The following AOX1 variants were observed in gnomAD, a reference collection of about 807,000 sequenced individuals.
AOX1 encodes aldehyde oxidase 1.
A neutral mutation model predicts 169.5 loss-of-function variants in AOX1; 153 were observed. That is an observed-to-expected ratio of 0.90 (90% confidence interval 0.79 to 1.03). The LOEUF (loss-of-function observed/expected upper bound fraction) is 1.03. Ranked by LOEUF, AOX1 falls within the 50% of genes least tolerant of loss-of-function variation. The pLI, the probability that AOX1 is intolerant of heterozygous loss-of-function variation, is 0.00. For missense variants in AOX1, 1,656 were observed against 1,663.9 expected (o/e 1.00, Z 0.08); for synonymous variants, 562 against 581.9 (o/e 0.97, Z 0.49).
Position 200,671,437 on chromosome 2 carries a change from TG to T in AOX1, c.*759del, listed in dbSNP as rs2036027838. The T allele has an allele frequency of 2.6e-5, 4 of 152,366 alleles. No individual in the cohort carries two copies. The South Asian group carries it at 6.2e-4, about 24-fold the overall frequency. 9.4% of individuals were successfully genotyped at this position (152,366 alleles called of 1,614,324 possible). On this transcript the variant is annotated 3_prime_UTR_variant, in exon 35 of 35. Transcript: ENST00000374700. Reference sequence around the variant, plus strand: ...ACTTGATCATTTAACATTCTGTGTATGTAACAAAATATCACATGCATAAATA... The same window carrying T: ...ACTTGATCATTTAACATTCTGTGTATTAACAAAATATCACATGCATAAATA...
Position 200,626,156 on chromosome 2 carries a change from A to T in AOX1, c.2125-1197A>T, listed in dbSNP as rs561842719. Among the ~76,000 whole-genome samples the T allele has an allele frequency of 5.0e-4, 76 of 152,346 alleles. 1 individual carries two copies. The South Asian group carries it at 0.012, about 25-fold the overall frequency. On this transcript the variant is annotated intron_variant, in intron 19 of 34. Transcript: ENST00000374700. Reference sequence around the variant, plus strand: ...ATCCTATGAGGCAAAAACTATTTTTATCCCCATTCTGATGGGGAAACTAAA... The same window carrying T: ...ATCCTATGAGGCAAAAACTATTTTTTTCCCCATTCTGATGGGGAAACTAAA...
At chr2:200,649,313 G>A (rs187607864) in intron 25 of AOX1, among the ~76,000 whole-genome samples, 282 of 152,158 alleles carry the variant, frequency 1.9e-3, no homozygotes, top group Non-Finnish European at 3.1e-3. Flanking sequence ...ATTTTGCTTG[G>A]CTCTCTAAAT....
chr2:200,617,481 CA>C (rs35035526), intron 16 of AOX1, among the ~76,000 whole-genome samples: 14,385 of 58,108 alleles, frequency 0.25, 546 homozygotes, highest in East Asian at 0.4. Context: ...CAACTAACTG[CA>C]AAAAAAAAAA....
intron 16 of AOX1, among the ~76,000 whole-genome samples, chr2:200,617,045 T>C (rs998191966): frequency 6.6e-6 from 1 of 152,168 alleles, no homozygotes; most frequent in Non-Finnish European, 1.5e-5. Context: ...GGCTTATAAA[T>C]ACCCTAATAT....
intron 23 of AOX1, among the ~76,000 whole-genome samples, chr2:200,639,009 G>A (rs2035299318): frequency 6.6e-6 from 1 of 152,106 alleles, no homozygotes; most frequent in Non-Finnish European, 1.5e-5. Flanking sequence ...CCCTCAGACT[G>A]CATCATCCAA....
rs146432697 is a variant in AOX1 at position 200,642,471 on chromosome 2, T to C, written c.2656-139T>C. On this transcript the variant is annotated intron_variant, in intron 24 of 34. Transcript: ENST00000374700. ...ATTTTACAGCAAAAAATGTGTTTAA[T>C]TGGGGGCATGGGAATATTTTAGCAT... 8.4e-4 allele frequency: 491 copies of C among 585,028 alleles called. 2 individuals carry two copies. The highest frequency in any genetic ancestry group is 7.7e-3 in the Middle Eastern group (18 of 2,344). 36.2% of individuals were successfully genotyped at this position (585,028 alleles called of 1,614,324 possible).
chr2:200,641,597 C>T (rs886111756), intron 24 of AOX1, among the ~76,000 whole-genome samples: 1 of 152,074 alleles, frequency 6.6e-6, no homozygotes, highest in African/African-American at 2.4e-5. Context: ...CAGAGACTCA[C>T]TCTGTGCCCA....
At chr2:200,617,380 A>G (rs974891980) in intron 16 of AOX1, among the ~76,000 whole-genome samples, 1 of 151,146 alleles carries the variant, frequency 6.6e-6, no homozygotes, top group African/African-American at 2.4e-5. Context: ...CAGTTTGAGG[A>G]GACAGCATTC....
rs148191016 is a variant in AOX1, at chr2:200,632,496, A to G, written c.2222-2295A>G. Reference sequence around the variant, plus strand: ...TTATTCTACATACATTGATAATCACATGAAGCAATGTTATAATTTTGCTTC... The same window carrying G: ...TTATTCTACATACATTGATAATCACGTGAAGCAATGTTATAATTTTGCTTC... On this transcript the variant is annotated intron_variant, in intron 20 of 34. Transcript: ENST00000374700. 3.6e-3 allele frequency among the ~76,000 whole-genome samples: 553 copies of G among 152,152 alleles called. 5 individuals are homozygous for G. The highest frequency in any genetic ancestry group is 0.012 in the African/African-American group (519 of 41,540).
At chr2:200,627,910 C>G (rs1396323825) in intron 20 of AOX1, among the ~76,000 whole-genome samples, 1 of 152,176 alleles carries the variant, frequency 6.6e-6, no homozygotes, top group Non-Finnish European at 1.5e-5. Context: ...CATCCTTTCT[C>G]TCTCTGATTC....
intron 4 of AOX1, among the ~76,000 whole-genome samples, chr2:200,598,752 A>T (rs935863204): frequency 6.6e-6 from 1 of 152,140 alleles, no homozygotes; most frequent in Non-Finnish European, 1.5e-5. Context: ...TCAAAAAAAA[A>T]AAAAGCCACT....
chr2:200,620,895 G>A, intron 17 of AOX1, 76 bp downstream of exon 17: 1 of 1,493,902 alleles, frequency 6.7e-7, no homozygotes, highest in Non-Finnish European at 9.1e-7. Flanking sequence ...AAAAGTAATG[G>A]TGTGAAGAAA....
In AOX1 at chr2:200,602,386, G is replaced by C. The variant is rs773187753; in HGVS notation, c.498+41G>C. The C allele has an allele frequency of 3.8e-6, 6 of 1,577,254 alleles. No homozygotes were observed. The Admixed American group carries it at 1.0e-4, about 27-fold the overall frequency. On this transcript the variant is annotated intron_variant, in intron 6 of 34. Coordinates refer to ENST00000374700, the MANE Select transcript of AOX1 (RefSeq NM_001159.4). ...CACATGTTTGAGTATGTTTTCCCCA[G>C]TGAAACGAAATGGTAATGGTTGTCA...
intron 25 of AOX1, 36 bp downstream of exon 25, chr2:200,642,837 G>T (rs189394850): frequency 1.3e-6 from 2 of 1,590,618 alleles, no homozygotes; most frequent in East Asian, 2.3e-5. Flanking sequence ...AAAACATGTG[G>T]AATGTCAGAG....
intron 1 of AOX1, among the ~76,000 whole-genome samples, chr2:200,586,835 G>A (rs961452821): frequency 6.6e-5 from 10 of 152,208 alleles, no homozygotes; most frequent in Non-Finnish European, 1.2e-4. Context: ...ACAGTTCCAG[G>A]CAGTGTCCGA....
At chr2:200,614,059 A>C (rs2034699790) in intron 15 of AOX1, 93 bp downstream of exon 15, 1 of 1,208,428 alleles carries the variant, frequency 8.3e-7, no homozygotes, top group African/African-American at 1.5e-5. Flanking sequence ...ATAGCTGTAG[A>C]ATAAAAAAGA....
chr2:200,588,726 C>CTTTTTTTTTTTTTTTTTTTTTG (rs2034098431), intron 1 of AOX1, among the ~76,000 whole-genome samples: 1 of 53,986 alleles, frequency 1.9e-5, no homozygotes, highest in Non-Finnish European at 3.9e-5. Context: ...CTAGAATAAG[C>CTTTTTTTTTTTTTTTTTTTTTG]TTTTTTTTTT....
In AOX1 at chr2:200,660,064, G is replaced by A; in HGVS notation, c.3370G>A (p.Asp1124Asn). ...ISKNPKGTWKDWAQTAFDESI... is the reference protein window; with the variant it reads ...ISKNPKGTWKNWAQTAFDESI... Reference sequence around the variant, plus strand: ...CAAGAATCCTAAAGGAACTTGGAAAGACTGGGTGAGAATCAATGGTTCTCT... The same window carrying A: ...CAAGAATCCTAAAGGAACTTGGAAAAACTGGGTGAGAATCAATGGTTCTCT... The change falls in exon 29 of 35, where the codon GAC (aspartate) becomes AAC (asparagine). Residue 1124 changes from aspartate to asparagine, a missense_variant. Coordinates refer to ENST00000374700, the MANE Select transcript of AOX1 (RefSeq NM_001159.4). 6.2e-7 allele frequency: 1 copy of A among 1,613,290 alleles called. No individual in the cohort carries two copies. The highest frequency in any genetic ancestry group is 1.1e-5 in the South Asian group (1 of 91,058).
chr2:200,602,418 A>T, intron 6 of AOX1, 73 bp downstream of exon 6: 1 of 1,329,678 alleles, frequency 7.5e-7, no homozygotes, highest in Non-Finnish European at 1.1e-6. Context: ...GTCAGTGATT[A>T]GGGGGGCAGC....
Sources: allele counts gnomAD v4.1 joint callset (sites outside exome capture counted in the v4.1 genomes callset), GRCh38; gene constraint gnomAD v4.1.1; transcripts MANE v1.5; gene names NCBI Gene and HGNC (gene_info 2026-07-23, HGNC 2026-07-21).